PDE10A: variants seen among roughly 807,000 people sequenced by gnomAD.
PDE10A encodes cAMP and cAMP-inhibited cGMP 3',5'-cyclic phosphodiesterase 10A.
Under a neutral mutation model 97.7 loss-of-function variants are expected in PDE10A, and 39 were observed. The ratio of observed to expected loss-of-function variants is 0.40; its 90% confidence interval spans 0.31 to 0.52. The LOEUF (loss-of-function observed/expected upper bound fraction) is 0.52, where lower values mean the gene tolerates loss of function less well. PDE10A is among the 20% of genes least tolerant of loss of function. The probability of loss-of-function intolerance (pLI) is 0.56; values close to 1 mark genes in which losing one functional copy is unlikely to be tolerated. For missense variants in PDE10A, 731 were observed against 1,047.8 expected (o/e 0.70, Z 4.17); for synonymous variants, 371 against 376.8 (o/e 0.98, Z 0.18).
At chr6:165,657,027 G>T (rs1288924153) in intron 1 of PDE10A, among the ~76,000 whole-genome samples, 1 of 152,204 alleles carries the variant, frequency 6.6e-6, no homozygotes, top group Non-Finnish European at 1.5e-5. Flanking sequence ...GTTCTGTTTA[G>T]ATTTATTTTG....
At chr6:165,721,017 G>A (rs1215241154) in intron 1 of PDE10A, among the ~76,000 whole-genome samples, 1 of 152,198 alleles carries the variant, frequency 6.6e-6, no homozygotes, top group African/African-American at 2.4e-5. Flanking sequence ...TGTAAATAGT[G>A]TTAGGCATTA....
intron 1 of PDE10A, among the ~76,000 whole-genome samples, chr6:165,696,838 A>G (rs1456648132): frequency 2.6e-5 from 4 of 152,236 alleles, no homozygotes; most frequent in African/African-American, 7.2e-5. Context: ...ATCAATAAAG[A>G]AAGATAAACT....
At chr6:165,758,509 GA>G (rs139209850) in intron 1 of PDE10A, among the ~76,000 whole-genome samples, 41,321 of 99,350 alleles carry the variant, frequency 0.42, 6,515 homozygotes, top group Non-Finnish European at 0.53. Flanking sequence ...GAAGAAAGAA[GA>G]AAGAAGAAGA....
intron 3 of PDE10A, among the ~76,000 whole-genome samples, chr6:165,465,229 T>C (rs1009379871): frequency 6.6e-6 from 1 of 152,316 alleles, no homozygotes. Flanking sequence ...TGAGCAACTA[T>C]AATGACCCAT....
intron 1 of PDE10A, among the ~76,000 whole-genome samples, chr6:165,790,224 C>T (rs572400260): frequency 1.3e-5 from 2 of 152,280 alleles, no homozygotes; most frequent in African/African-American, 4.8e-5. Context: ...TCGTATTCAT[C>T]CAATGCTGGA....
intron 3 of PDE10A, among the ~76,000 whole-genome samples, chr6:165,457,042 T>C (rs546101860): frequency 6.6e-6 from 1 of 152,182 alleles, no homozygotes; most frequent in Admixed American, 6.5e-5. Context: ...AGGACTGTTA[T>C]GAAAGGCAAA....
intron 1 of PDE10A, among the ~76,000 whole-genome samples, chr6:165,619,799 G>A (rs1406120310): frequency 2.0e-5 from 3 of 151,798 alleles, no homozygotes; most frequent in Non-Finnish European, 4.4e-5. Context: ...GTAGTGATTG[G>A]TGTGTCATCT....
At chr6:165,402,218 T>C (rs1397805339) in intron 13 of PDE10A, among the ~76,000 whole-genome samples, 1 of 152,148 alleles carries the variant, frequency 6.6e-6, no homozygotes, top group South Asian at 2.1e-4. Context: ...ATTTTATTTC[T>C]ATTATTTTTA....
At chr6:165,698,737 C>G (rs1005060292) in intron 1 of PDE10A, among the ~76,000 whole-genome samples, 1 of 152,064 alleles carries the variant, frequency 6.6e-6, no homozygotes, top group African/African-American at 2.4e-5. Flanking sequence ...GTAGTCCCAG[C>G]TACTCAAGAG....
intron 1 of PDE10A, among the ~76,000 whole-genome samples, chr6:165,623,442 A>G (rs1407688868): frequency 2.0e-5 from 3 of 152,180 alleles, no homozygotes; most frequent in African/African-American, 7.2e-5. Flanking sequence ...ATAGCAATGC[A>G]AGAACAGCCT....
intron 2 of PDE10A, among the ~76,000 whole-genome samples, chr6:165,526,273 A>C (rs1782441466): frequency 6.6e-6 from 1 of 152,168 alleles, no homozygotes; most frequent in Non-Finnish European, 1.5e-5. Context: ...TATGGAGGTC[A>C]GGTAATTAAT....
intron 1 of PDE10A, among the ~76,000 whole-genome samples, chr6:165,896,009 C>T (rs760549531): frequency 2.0e-5 from 3 of 152,200 alleles, no homozygotes; most frequent in Non-Finnish European, 4.4e-5. Context: ...GGATCCGACT[C>T]TCCCAGCTGA....
At chr6:165,691,411 C>T (rs944813444) in intron 1 of PDE10A, among the ~76,000 whole-genome samples, 2 of 152,090 alleles carry the variant, frequency 1.3e-5, no homozygotes, top group African/African-American at 2.4e-5. Flanking sequence ...AACCTAAGAG[C>T]AACAGGCCAT....
At chr6:165,734,646 T>C (rs1175009308) in intron 1 of PDE10A, among the ~76,000 whole-genome samples, 1 of 152,010 alleles carries the variant, frequency 6.6e-6, no homozygotes, top group Non-Finnish European at 1.5e-5. Context: ...AGTTAGTGAA[T>C]GGGAAGGTGG....
chr6:165,801,491 G>A (rs1004629787), intron 1 of PDE10A, among the ~76,000 whole-genome samples: 51 of 152,298 alleles, frequency 3.3e-4, no homozygotes, highest in African/African-American at 1.2e-3. Flanking sequence ...GTTGTGGTGA[G>A]CCAAGATTGT....
At chr6:165,957,343 TG>T (rs1562326239) in intron 1 of PDE10A, among the ~76,000 whole-genome samples, 1 of 151,950 alleles carries the variant, frequency 6.6e-6, no homozygotes, top group Admixed American at 6.6e-5. Flanking sequence ...TAGTCAGACT[TG>T]GTGGCACATG....
chr6:165,500,626 C>G (rs957821568), intron 2 of PDE10A, among the ~76,000 whole-genome samples: 2 of 152,156 alleles, frequency 1.3e-5, no homozygotes, highest in African/African-American at 2.4e-5. Flanking sequence ...ACATGATGGC[C>G]TCATGGGAAG....
In PDE10A at chr6:165,498,423, C is replaced by CAAAAAAA. The variant is rs35069498; in HGVS notation, c.995-16087_995-16081dup. Among the ~76,000 whole-genome samples, 55 of 22,886 alleles carry CAAAAAAA rather than the reference C, an allele frequency of 2.4e-3. 8 individuals are homozygous for CAAAAAAA. Among genetic ancestry groups the CAAAAAAA allele is most frequent in the Admixed American group, 3.7e-3 (5 of 1,358 alleles). The allele number at this position is 22,886 out of a possible 152,430, so 15.0% of individuals were successfully genotyped here. ...GGATGACAGAGCAAGACCCTGTCTCCAAAAAAAAAAAAAAAAAAAAAAAAA... is the reference window on the plus strand; with the variant it reads ...GGATGACAGAGCAAGACCCTGTCTCCAAAAAAAAAAAAAAAAAAAAAAAAAAAAAAAA... On this transcript the variant is annotated intron_variant, in intron 2 of 21. Coordinates refer to ENST00000539869, the MANE Select transcript of PDE10A (RefSeq NM_001385079.1).
intron 1 of PDE10A, among the ~76,000 whole-genome samples, chr6:165,553,095 T>G (rs1562574787): frequency 1.3e-5 from 2 of 152,200 alleles, no homozygotes; most frequent in African/African-American, 2.4e-5. Flanking sequence ...TTTCCTTTTT[T>G]CATCTAAAGA....
Sources: gnomAD v4.1 joint callset for allele counts (sites outside exome capture counted in the v4.1 genomes callset) on GRCh38, gnomAD v4.1.1 for gene constraint, MANE v1.5 for transcripts, NCBI Gene and HGNC (gene_info 2026-07-23, HGNC 2026-07-21) for gene names.